SYN3: variants seen among roughly 807,000 people sequenced by gnomAD.
SYN3 encodes synapsin-3.
In SYN3, 35 loss-of-function variants were observed where a neutral mutation model predicts 65.8. The ratio of observed to expected loss-of-function variants is 0.53; its 90% CI spans 0.41 to 0.70. SYN3 has a LOEUF of 0.70. Among genes scored for constraint, SYN3 ranks in the 30% least tolerant of loss-of-function variants. The pLI, the probability that SYN3 is intolerant of heterozygous loss-of-function variation, is 0.00. For missense variants in SYN3, 680 were observed against 749.0 expected, an observed-to-expected ratio of 0.91 and a Z score of 1.08; for synonymous variants, 270 against 292.9, an observed-to-expected ratio of 0.92 and a Z score of 0.80.
intron 7 of SYN3, among the ~76,000 whole-genome samples, chr22:32,578,021 G>C (rs2058877360): frequency 6.6e-6 from 1 of 152,198 alleles, no homozygotes; most frequent in African/African-American, 2.4e-5. Context: ...ATGGGGCAGG[G>C]ACTTGATTGT....
intron 6 of SYN3, among the ~76,000 whole-genome samples, chr22:32,803,216 G>A (rs1488189825): frequency 2.6e-5 from 4 of 152,042 alleles, no homozygotes; most frequent in Non-Finnish European, 5.9e-5. Context: ...CCCTCTGCCT[G>A]TGTCGATTCA....
At chr22:32,833,597 A>G (rs1394717888) in intron 6 of SYN3, among the ~76,000 whole-genome samples, 2 of 152,194 alleles carry the variant, frequency 1.3e-5, no homozygotes, top group East Asian at 3.9e-4. Context: ...AAATGTGCCC[A>G]TGCCACTGTG....
In SYN3 at chr22:32,843,081, AT is replaced by A. The variant is rs904384506; in HGVS notation, c.711+21833del. 9.5e-3 allele frequency among the ~76,000 whole-genome samples: 1,389 copies of A among 145,968 alleles called. 10 individuals are homozygous for A. The highest frequency in any genetic ancestry group is 0.018 in the African/African-American group (727 of 40,056). ...GGTCTGCTGTCCTGGGGGACCTCCC[AT>A]TTTTTTTTTTCCCCCACTAGGATGC... is the stretch of plus-strand genomic sequence containing the variant. On this transcript the variant is annotated intron_variant, in intron 6 of 13. Coordinates refer to ENST00000358763, the MANE Select transcript of SYN3 (RefSeq NM_003490.4).
intron 12 of SYN3, among the ~76,000 whole-genome samples, chr22:32,523,306 A>G (rs1194271650): frequency 6.6e-6 from 1 of 152,182 alleles, no homozygotes; most frequent in African/African-American, 2.4e-5. Flanking sequence ...AGGTCAGCAG[A>G]TCGAGACCAT....
intron 2 of SYN3, among the ~76,000 whole-genome samples, chr22:33,001,218 G>T (rs759958521): frequency 6.6e-6 from 1 of 152,150 alleles, no homozygotes; most frequent in Non-Finnish European, 1.5e-5. Context: ...GTGGCCATAG[G>T]ACGAATGATT....
intron 6 of SYN3, among the ~76,000 whole-genome samples, chr22:32,830,786 G>A (rs975168576): frequency 3.3e-5 from 5 of 152,128 alleles, no homozygotes; most frequent in African/African-American, 9.7e-5. Context: ...TCCGCCTCAC[G>A]CTTCTCTGTG....
intron 2 of SYN3, among the ~76,000 whole-genome samples, chr22:32,988,012 T>C (rs2052579177): frequency 6.6e-6 from 1 of 151,634 alleles, no homozygotes; most frequent in Non-Finnish European, 1.5e-5. Flanking sequence ...AAAAGGCTTC[T>C]TTGAAAGACA....
intron 2 of SYN3, among the ~76,000 whole-genome samples, chr22:32,995,673 T>C (rs1434343928): frequency 6.6e-6 from 1 of 152,026 alleles, no homozygotes; most frequent in Non-Finnish European, 1.5e-5. Flanking sequence ...GCTGCTTTTT[T>C]TTTTTTCTGA....
intron 2 of SYN3, among the ~76,000 whole-genome samples, chr22:33,003,049 C>T (rs1250299780): frequency 1.3e-5 from 2 of 152,192 alleles, no homozygotes; most frequent in Non-Finnish European, 2.9e-5. Flanking sequence ...TCTCTCCTGC[C>T]ACCCTGTGAA....
At chr22:32,571,650 T>C (rs868275533) in intron 7 of SYN3, among the ~76,000 whole-genome samples, 1 of 152,170 alleles carries the variant, frequency 6.6e-6, no homozygotes, top group Non-Finnish European at 1.5e-5. Flanking sequence ...ACCAAAAGAC[T>C]ATGAAAGGTG....
intron 1 of SYN3, among the ~76,000 whole-genome samples, chr22:33,024,020 G>C (rs1469450806): frequency 6.6e-6 from 1 of 152,106 alleles, no homozygotes; most frequent in African/African-American, 2.4e-5. Context: ...TGGACACTCA[G>C]GATACCATAC....
At chr22:32,755,390 A>T (rs2045259101) in intron 6 of SYN3, among the ~76,000 whole-genome samples, 1 of 152,166 alleles carries the variant, frequency 6.6e-6, no homozygotes, top group Non-Finnish European at 1.5e-5. Context: ...CTTGAAAGCT[A>T]ATCCTTGAAG....
At position 32,510,975 on chromosome 22, in the gene SYN3, T is replaced by C. The variant is rs1481071626; in HGVS notation, c.*2717A>G. Among the ~76,000 whole-genome samples, 2 of 114,084 alleles carry C rather than the reference T, an allele frequency of 1.8e-5. No homozygotes were observed. Among genetic ancestry groups the C allele is most frequent in the Non-Finnish European group, 3.6e-5 (2 of 55,102 alleles). 74.8% of individuals were successfully genotyped at this position (114,084 alleles called of 152,430 possible). A position where few individuals can be genotyped will look rare whatever the true frequency, so the allele number is the denominator to read the frequency against. On this transcript the variant is annotated 3_prime_UTR_variant, in exon 14 of 14. Coordinates refer to ENST00000358763, the MANE Select transcript of SYN3 (RefSeq NM_003490.4). ...ATGTGCATTTGTCAATTCCAAGTTATTGTCCAGGCGTGTGTGTGTGTGTGT... is the reference window on the plus strand; with the variant it reads ...ATGTGCATTTGTCAATTCCAAGTTACTGTCCAGGCGTGTGTGTGTGTGTGT...
At chr22:32,728,885 A>G (rs917323513) in intron 6 of SYN3, among the ~76,000 whole-genome samples, 1 of 152,150 alleles carries the variant, frequency 6.6e-6, no homozygotes, top group Non-Finnish European at 1.5e-5. Flanking sequence ...TGGGCAGAGC[A>G]CACTCCTGTG....
chr22:32,927,511 A>G (rs1309719445), intron 4 of SYN3, among the ~76,000 whole-genome samples: 2 of 151,902 alleles, frequency 1.3e-5, no homozygotes, highest in East Asian at 3.9e-4. Flanking sequence ...GGCCTCCCAA[A>G]GTGCTGGGAT....
chr22:32,571,780 G>C (rs905029404), intron 7 of SYN3, among the ~76,000 whole-genome samples: 6 of 152,074 alleles, frequency 3.9e-5, no homozygotes, highest in African/African-American at 1.4e-4. Context: ...TATCTATTGA[G>C]TGTCTTCTAG....
At chr22:32,965,324 T>C (rs1430531858) in intron 3 of SYN3, among the ~76,000 whole-genome samples, 7 of 152,208 alleles carry the variant, frequency 4.6e-5, no homozygotes, top group Non-Finnish European at 1.0e-4. Context: ...GCTCTTTGGG[T>C]TCTTGCAGTA....
intron 4 of SYN3, among the ~76,000 whole-genome samples, chr22:32,923,755 T>A (rs1259412312): frequency 6.6e-6 from 1 of 152,212 alleles, no homozygotes; most frequent in African/African-American, 2.4e-5. Context: ...TAAACTTGTG[T>A]CATAGGGGTT....
intron 7 of SYN3, among the ~76,000 whole-genome samples, chr22:32,574,256 G>A (rs971292693): frequency 4.6e-5 from 7 of 152,050 alleles, no homozygotes; most frequent in Non-Finnish European, 1.0e-4. Flanking sequence ...TGAGCAGGAG[G>A]ATCGCCTGAG....
Sources: allele counts gnomAD v4.1 joint callset (sites outside exome capture counted in the v4.1 genomes callset), GRCh38; gene constraint gnomAD v4.1.1; transcripts MANE v1.5; gene names NCBI Gene and HGNC (gene_info 2026-07-23, HGNC 2026-07-21).